Variants in RRP7A observed in about 807,000 individuals in gnomAD.
The protein encoded by RRP7A is ribosomal RNA-processing protein 7 homolog A.
RRP7A carries 27 observed loss-of-function variants against 38.4 expected under a neutral mutation model. That is an observed-to-expected ratio of 0.70 (90% CI 0.52 to 0.97). The LOEUF (loss-of-function observed/expected upper bound fraction) is 0.97. RRP7A is among the 50% of genes least tolerant of loss of function. RRP7A has a pLI of 0.00. For synonymous variants in RRP7A, 124 were observed against 150.3 expected (o/e 0.83, Z 1.28); for missense variants, 327 against 375.4 (o/e 0.87, Z 1.07).
intron 6 of RRP7A, among the ~76,000 whole-genome samples, chr22:42,513,373 T>G (rs1229341221): frequency 9.6e-6 from 1 of 104,474 alleles, no homozygotes; most frequent in African/African-American, 3.4e-5. Context: ...TGCTGGTGAA[T>G]GCAGATGGCA....
Position 42,509,457 on chromosome 22 carries a change from C to G in RRP7A, c.*3453G>C, listed in dbSNP as rs1439688732. Reference sequence around the variant, plus strand: ...AAACGATTCTCCTGCCTCAGCCTCCCGAGTAGCTGGGACTACAGGCGCCCG... The same window carrying G: ...AAACGATTCTCCTGCCTCAGCCTCCGGAGTAGCTGGGACTACAGGCGCCCG... On this transcript the variant is annotated 3_prime_UTR_variant, in exon 7 of 7. Transcript: ENST00000323013. Among the ~76,000 whole-genome samples, 2 of 150,710 alleles carry G rather than the reference C, an allele frequency of 1.3e-5. No homozygotes were observed. Among genetic ancestry groups the G allele is most frequent in the East Asian group, 3.9e-4 (2 of 5,150 alleles).
At position 42,508,913 on chromosome 22, in the gene RRP7A, G is replaced by T; in HGVS notation, c.*3997C>A. 7.0e-7 allele frequency: 1 copy of T among 1,438,470 alleles called. No individual in the cohort carries two copies. The highest frequency in any genetic ancestry group is 1.2e-5 in the South Asian group (1 of 83,022). 89.1% of individuals were successfully genotyped at this position (1,438,470 alleles called of 1,614,324 possible). On this transcript the variant is annotated 3_prime_UTR_variant, in exon 7 of 7. Transcript: ENST00000323013. ...GTGGGGTCCTGGGCTCAGACCCAGGGTGGGTGGCTAAGGTGCCCTCGCCAG... is the reference window on the plus strand; with the variant it reads ...GTGGGGTCCTGGGCTCAGACCCAGGTTGGGTGGCTAAGGTGCCCTCGCCAG...
chr22:42,519,635 A>AC, intron 1 of RRP7A, 79 bp downstream of exon 1: 2 of 1,217,200 alleles, frequency 1.6e-6, no homozygotes, highest in Non-Finnish European at 2.1e-6. Context: ...GCTCCTGGGG[A>AC]CCCCCGGCCG....
intron 3 of RRP7A, among the ~76,000 whole-genome samples, chr22:42,515,638 G>A: frequency 6.6e-6 from 1 of 152,196 alleles, no homozygotes. Flanking sequence ...GTGGGGAGGA[G>A]GTGTGGGCTC....
intron 2 of RRP7A, among the ~76,000 whole-genome samples, chr22:42,517,645 T>G (rs3985936): frequency 0.54 from 82,304 of 151,614 alleles, 24,864 homozygotes; most frequent in East Asian, 0.88. Context: ...TCAGCTTCCC[T>G]AGTAGCCAGG....
intron 6 of RRP7A, among the ~76,000 whole-genome samples, chr22:42,513,663 G>A (rs1337186928): frequency 8.0e-6 from 1 of 124,866 alleles, no homozygotes; most frequent in Non-Finnish European, 1.7e-5. Context: ...GGGCCCACAG[G>A]CATGGGAGGG....
chr22:42,514,455 T>A (rs2743830), intron 5 of RRP7A, 151 bp from the exon 6 acceptor site: 1 of 796,068 alleles, frequency 1.3e-6, no homozygotes, highest in Non-Finnish European at 2.0e-6. Flanking sequence ...GGGCTAAGGA[T>A]GGCGGGGAGG....
chr22:42,519,763 G>A lies in RRP7A; in HGVS notation c.24C>T (p.Cys8=), dbSNP rs768363450. ...TACGGTCCTCCGGGTCCCGCGCGGC[G>A]CACTTCCTCCTGCGCGCCACCATCT... is the stretch of plus-strand genomic sequence containing the variant. MVARRRK[C]AARDPEDRIP... Residue 8 remains cysteine (C), a synonymous_variant, in exon 1 of 7, where the codon TGC becomes TGT. Coordinates refer to ENST00000323013, the MANE Select transcript of RRP7A (RefSeq NM_015703.5). 1.6e-5 allele frequency: 23 copies of A among 1,451,294 alleles called. No homozygotes were observed. The highest frequency in any genetic ancestry group is 1.8e-5 in the Non-Finnish European group (20 of 1,103,280). 89.9% of individuals were successfully genotyped at this position (1,451,294 alleles called of 1,614,324 possible).
Position 42,508,882 on chromosome 22 carries a change from A to G in RRP7A, c.*4028T>C, listed in dbSNP as rs56209816. On this transcript the variant is annotated 3_prime_UTR_variant, in exon 7 of 7. Transcript: ENST00000323013. ...GGGGCTAAAGAGCCTTCGATGAGGC[A>G]GTGATGTGGGGTCCTGGGCTCAGAC... 90,660 of 953,106 alleles carry G rather than the reference A, an allele frequency of 0.095. 5,545 individuals are homozygous for G. The highest frequency in any genetic ancestry group is 0.19 in the Admixed American group (7,968 of 42,844). 59.0% of individuals were successfully genotyped at this position (953,106 alleles called of 1,614,324 possible).
Position 42,509,472 on chromosome 22 carries a change from A to G in RRP7A, c.*3438T>C, listed in dbSNP as rs142755618. 1.8e-3 allele frequency among the ~76,000 whole-genome samples: 269 copies of G among 150,632 alleles called. 4 individuals carry two copies. The highest frequency in any genetic ancestry group is 6.3e-3 in the African/African-American group (261 of 41,292). On this transcript the variant is annotated 3_prime_UTR_variant, in exon 7 of 7. Transcript: ENST00000323013. ...CTCAGCCTCCCGAGTAGCTGGGACT[A>G]CAGGCGCCCGCCACCACGCCTGGCT... is the stretch of plus-strand genomic sequence containing the variant.
intron 1 of RRP7A, among the ~76,000 whole-genome samples, chr22:42,519,215 G>GT (rs1920940193): frequency 6.7e-6 from 1 of 150,310 alleles, no homozygotes; most frequent in African/African-American, 2.5e-5. Flanking sequence ...TGCAGTAGGT[G>GT]TGGCGCCTAT....
chr22:42,518,850 G>C (rs1324006538), intron 1 of RRP7A: 4 of 449,880 alleles, frequency 8.9e-6, no homozygotes, highest in African/African-American at 6.1e-5. Context: ...GTAGAGCTGC[G>C]GTCCCTGAAC....
rs1021875330 is a variant in RRP7A at position 42,513,605 on chromosome 22, T to TG, written c.757+500dup. ...TTCTGTAGACAGGGACACCAGGCAG[T>TG]GGGGCAGGAGGCTCAGCCGCAGCAC... On this transcript the variant is annotated intron_variant, in intron 6 of 6. Coordinates refer to ENST00000323013, the MANE Select transcript of RRP7A (RefSeq NM_015703.5). Among the ~76,000 whole-genome samples, 121 of 126,644 alleles carry TG rather than the reference T, an allele frequency of 9.6e-4. 2 individuals are homozygous for TG. Among genetic ancestry groups the TG allele is most frequent in the African/African-American group, 3.4e-3 (118 of 34,482 alleles). 83.1% of individuals were successfully genotyped at this position (126,644 alleles called of 152,430 possible).
intron 2 of RRP7A, among the ~76,000 whole-genome samples, chr22:42,516,677 A>G (rs1456286540): frequency 6.6e-6 from 1 of 152,144 alleles, no homozygotes; most frequent in Non-Finnish European, 1.5e-5. Context: ...TTCCTATGAC[A>G]AGTTTTACTA....
chr22:42,513,898 G>A (rs1381511503), intron 6 of RRP7A, among the ~76,000 whole-genome samples: 11 of 152,014 alleles, frequency 7.2e-5, no homozygotes, highest in African/African-American at 2.4e-4. Context: ...AAATGCATCT[G>A]CCCCTAGGGG....
chr22:42,518,693 C>T (rs1569261900), intron 1 of RRP7A: 1 of 470,892 alleles, frequency 2.1e-6, no homozygotes, highest in East Asian at 6.9e-5. Context: ...GATCCCACTG[C>T]CTGTGCCTTC....
At position 42,510,802 on chromosome 22, in the gene RRP7A, A is replaced by T. The variant is rs1199552590; in HGVS notation, c.*2108T>A. 6.8e-6 allele frequency: 9 copies of T among 1,324,140 alleles called. No individual in the cohort carries two copies. The highest frequency in any genetic ancestry group is 8.8e-6 in the Non-Finnish European group (9 of 1,022,308). The allele number at this position is 1,324,140 out of a possible 1,614,324, so 82.0% of individuals were successfully genotyped here. ...CCACCTCACCCATCTCTTCTCATGC[A>T]CTGGGAAAGACCCCTGGTCTGCCCC... On this transcript the variant is annotated 3_prime_UTR_variant, in exon 7 of 7. Coordinates refer to ENST00000323013, the MANE Select transcript of RRP7A (RefSeq NM_015703.5).
chr22:42,510,884 C>G lies in RRP7A; in HGVS notation c.*2026G>C. The G allele has an allele frequency of 1.2e-6, 1 of 810,230 alleles. No homozygotes were observed. The highest frequency in any genetic ancestry group is 1.6e-6 in the Non-Finnish European group (1 of 626,148). The allele number at this position is 810,230 out of a possible 1,614,324, so 50.2% of individuals were successfully genotyped here. ...AGGCCTCATGCTCCAGTGATCAGTC[C>G]CTAGAGGCCTGGGGACACATGTAAT... On this transcript the variant is annotated 3_prime_UTR_variant, in exon 7 of 7. Transcript: ENST00000323013.
chr22:42,510,452 G>A lies in RRP7A; in HGVS notation c.*2458C>T, dbSNP rs533577177. 7.9e-5 allele frequency: 24 copies of A among 304,968 alleles called. No individual in the cohort carries two copies. Among genetic ancestry groups the A allele is most frequent in the African/African-American group, 2.6e-4 (12 of 45,554 alleles). The allele number at this position is 304,968 out of a possible 1,614,324, so 18.9% of individuals were successfully genotyped here. On this transcript the variant is annotated 3_prime_UTR_variant, in exon 7 of 7. Transcript: ENST00000323013. ...TGCGCCTGGCTTGTGCCAGCTGAGC[G>A]TGAGCTGAGATTAACTGAGCCTCAA...
Sources: gnomAD v4.1 joint callset for allele counts (sites outside exome capture counted in the v4.1 genomes callset) on GRCh38, gnomAD v4.1.1 for gene constraint, MANE v1.5 for transcripts, NCBI Gene and HGNC (gene_info 2026-07-23, HGNC 2026-07-21) for gene names.